Variants in LRP5 observed in about 807,000 individuals in gnomAD.
The protein encoded by LRP5 is LDL receptor related protein 5.
Under a neutral mutation model 154.1 loss-of-function variants are expected in LRP5, and 62 were observed. The observed-to-expected ratio is 0.40, with a 90% CI of 0.33 to 0.50. The LOEUF (loss-of-function observed/expected upper bound fraction) is 0.50. Ranked by LOEUF, LRP5 falls within the 20% of genes least tolerant of loss-of-function variation. LRP5 has a pLI of 0.55. For synonymous variants in LRP5, 966 were observed against 1,011.5 expected, an observed-to-expected ratio of 0.96 and a Z score of 0.85; for missense variants, 1,915 against 2,336.7, an observed-to-expected ratio of 0.82 and a Z score of 3.72.
intron 21 of LRP5, among the ~76,000 whole-genome samples, chr11:68,440,991 C>T (rs2098677907): frequency 6.6e-6 from 1 of 152,184 alleles, no homozygotes. Flanking sequence ...TGATCTTGAA[C>T]TCCCTACCTC....
chr11:68,427,194 G>A (rs2098669263), intron 16 of LRP5, among the ~76,000 whole-genome samples: 1 of 152,186 alleles, frequency 6.6e-6, no homozygotes, highest in South Asian at 2.1e-4. Flanking sequence ...GCCGTGCTGG[G>A]GACTGGGGTG....
intron 16 of LRP5, among the ~76,000 whole-genome samples, chr11:68,428,420 G>A (rs1002105134): frequency 4.6e-5 from 7 of 152,128 alleles, no homozygotes; most frequent in African/African-American, 1.2e-4. Context: ...AGAAGCCTGC[G>A]ACCAAACTGT....
At chr11:68,311,536 G>C (rs577553462), upstream of LRP5, among the ~76,000 whole-genome samples, 4 of 152,320 alleles carry the variant, frequency 2.6e-5, no homozygotes, top group African/African-American at 9.6e-5. Context: ...CCTGTCAATG[G>C]GGCTTTTGTT....
At position 68,433,706 on chromosome 11, in the gene LRP5, A is replaced by G. The variant is rs1175061325; in HGVS notation, c.3868A>G (p.Ser1290Gly). 1.2e-6 allele frequency: 2 copies of G among 1,612,912 alleles called. No homozygotes were observed. Among genetic ancestry groups the G allele is most frequent in the Non-Finnish European group, 1.7e-6 (2 of 1,179,928 alleles). Residue 1290 changes from serine to glycine, a missense_variant, in exon 18 of 23, where the codon AGC (serine) becomes GGC (glycine). Ser to Gly is a moderately conservative substitution (Grantham distance 56). This residue lies in a region of LRP5 where 1,094 missense variants were observed against 1,210.1 expected (regional missense o/e 0.90). Transcript: ENST00000294304. ...CGGCTTTCCCGAGTGCGATGACCAG[A>G]GCGACGAGGAGGGCTGCCCCGTGTG... Reference protein sequence around the residue: ...CDGFPECDDQSDEEGCPVCSA... With the variant: ...CDGFPECDDQGDEEGCPVCSA...
Position 68,386,842 on chromosome 11 carries a change from C to T in LRP5, c.1412+130C>T. 2 of 1,116,990 alleles carry T rather than the reference C, an allele frequency of 1.8e-6. No homozygotes were observed. The highest frequency in any genetic ancestry group is 1.6e-5 in the South Asian group (1 of 61,802). 69.2% of individuals were successfully genotyped at this position (1,116,990 alleles called of 1,614,324 possible). A position where few individuals can be genotyped will look rare whatever the true frequency, so the allele number is the denominator to read the frequency against. ...ACCCGGAGGAGGGCTTGTTAAAACA[C>T]CGGCAGCTGGGCCCCACCCCCAGAG... On this transcript the variant is annotated intron_variant, in intron 6 of 22. Coordinates refer to ENST00000294304, the MANE Select transcript of LRP5 (RefSeq NM_002335.4). This position sits in a 1 kb window ranked among gnomAD's most constrained non-coding sequence, Gnocchi z 7.9.
At chr11:68,398,846 T>C (rs964153276) in intron 7 of LRP5, among the ~76,000 whole-genome samples, 3 of 152,020 alleles carry the variant, frequency 2.0e-5, no homozygotes, top group African/African-American at 7.2e-5. Context: ...GCGATCCTCC[T>C]GTCTCAGCCT....
chr11:68,383,084 G>A (rs2098641168), intron 5 of LRP5, among the ~76,000 whole-genome samples: 1 of 152,066 alleles, frequency 6.6e-6, no homozygotes, highest in African/African-American at 2.4e-5. Flanking sequence ...TACCATGTTG[G>A]CTAGGCTGGT....
intron 5 of LRP5, among the ~76,000 whole-genome samples, chr11:68,369,381 T>C (rs923720551): frequency 2.0e-5 from 3 of 152,118 alleles, no homozygotes; most frequent in African/African-American, 7.2e-5. Flanking sequence ...GATGTCTGCC[T>C]TGGGAGAGCA....
chr11:68,442,324 G>A (rs1017091917), intron 21 of LRP5, among the ~76,000 whole-genome samples: 18 of 152,198 alleles, frequency 1.2e-4, no homozygotes, highest in African/African-American at 4.3e-4. Flanking sequence ...CACCCAGTGG[G>A]AGTGCAGTGG....
chr11:68,308,527 C>T (rs1299734347), upstream of LRP5, among the ~76,000 whole-genome samples: 1 of 152,160 alleles, frequency 6.6e-6, no homozygotes, highest in Admixed American at 6.6e-5. Flanking sequence ...AGGCAACCGT[C>T]TGGGGAAGTG....
chr11:68,320,978 G>C (rs1248075824), intron 1 of LRP5, among the ~76,000 whole-genome samples: 2 of 150,550 alleles, frequency 1.3e-5, no homozygotes, highest in Non-Finnish European at 2.9e-5. Flanking sequence ...TCCATCTCCA[G>C]ATTATAAATA....
At chr11:68,379,993 C>T (rs1320495829) in intron 5 of LRP5, among the ~76,000 whole-genome samples, 3 of 152,158 alleles carry the variant, frequency 2.0e-5, no homozygotes, top group African/African-American at 4.8e-5. Context: ...GTTAGCCAGG[C>T]GTGGTGGCGG....
chr11:68,329,759 T>G (rs1310250547), intron 1 of LRP5, among the ~76,000 whole-genome samples: 19 of 152,196 alleles, frequency 1.2e-4, no homozygotes, highest in African/African-American at 1.4e-4. Context: ...CCACCGGCCA[T>G]CAGCGCCCCA....
chr11:68,308,125 G>A (rs1418609330), upstream of LRP5, among the ~76,000 whole-genome samples: 2 of 152,214 alleles, frequency 1.3e-5, no homozygotes, highest in South Asian at 2.1e-4. Flanking sequence ...AGAGGCCTGC[G>A]GCAGCCTGAG....
intron 5 of LRP5, among the ~76,000 whole-genome samples, chr11:68,372,492 A>ACCTGG (rs2098634743): frequency 1.0e-4 from 4 of 39,328 alleles, no homozygotes; most frequent in African/African-American, 5.6e-4. Flanking sequence ...AGTGTCAGGC[A>ACCTGG]GACCGGGGAC....
intron 7 of LRP5, among the ~76,000 whole-genome samples, chr11:68,394,532 C>T (rs2098648145): frequency 6.6e-6 from 1 of 151,388 alleles, no homozygotes; most frequent in Admixed American, 6.6e-5. Context: ...GTGGCACGAT[C>T]TCGGCTCACT....
intron 2 of LRP5, among the ~76,000 whole-genome samples, chr11:68,350,971 CGT>C (rs1565337657): frequency 6.6e-6 from 1 of 151,910 alleles, no homozygotes; most frequent in African/African-American, 2.4e-5. Flanking sequence ...TGCATGCATG[CGT>C]GTGAGTGGAT....
chr11:68,429,768 T>A, intron 17 of LRP5, 68 bp downstream of exon 17: 1 of 1,584,922 alleles, frequency 6.3e-7, no homozygotes, highest in Non-Finnish European at 8.7e-7. Context: ...GCTAGGCTGC[T>A]GCCTGGCATC....
the LRP5 span, among the ~76,000 whole-genome samples, chr11:68,299,631 G>A: frequency 6.8e-6 from 1 of 147,798 alleles, no homozygotes; most frequent in South Asian, 2.1e-4. Flanking sequence ...TGCCCAGGCT[G>A]GAGTACAGTG....
Sources: gnomAD v4.1 joint callset for allele counts (sites outside exome capture counted in the v4.1 genomes callset) on GRCh38, gnomAD v4.1.1 for gene constraint, gnomAD v4.1.1 regional missense constraint, Gnocchi (gnomAD v3.1) non-coding constraint, MANE v1.5 for transcripts, NCBI Gene and HGNC (gene_info 2026-07-23, HGNC 2026-07-21) for gene names.